DMD: variants seen among roughly 807,000 people sequenced by gnomAD.
DMD encodes the protein dystrophin.
A neutral mutation model predicts 330.1 loss-of-function variants in DMD; 63 were observed. The observed-to-expected ratio is 0.19, with a 90% CI of 0.16 to 0.24. DMD has a LOEUF of 0.24. Among genes scored for constraint, DMD ranks in the 10% least tolerant of loss-of-function variants. The pLI is 1.00. For missense variants in DMD, 3,344 were observed against 2,684.1 expected (o/e 1.25, Z -5.43); for synonymous variants, 1,223 against 959.8 (o/e 1.27, Z -5.07).
intron 9 of DMD, among the ~76,000 whole-genome samples, chrX:32,663,332 T>C (rs16990557): frequency 0.01 from 1,133 of 111,813 alleles, 13 homozygotes; most frequent in African/African-American, 0.035. Context: ...TTAATAAGAA[T>C]GTAAGATATC....
At chrX:31,394,938 T>TGAGAGAGAGAAAGAGAGAGA (rs2060849048) in intron 60 of DMD, among the ~76,000 whole-genome samples, 1 of 86,854 alleles carries the variant, frequency 1.2e-5, no homozygotes, top group Non-Finnish European at 2.2e-5. Flanking sequence ...GAGAGAAGGG[T>TGAGAGAGAGAAAGAGAGAGA]GAGAGAGAGA....
intron 9 of DMD, among the ~76,000 whole-genome samples, chrX:32,672,840 A>AAG (rs1322302818): frequency 1.8e-5 from 2 of 111,244 alleles, no homozygotes; most frequent in African/African-American, 6.5e-5. Flanking sequence ...GAAGAGCCAA[A>AAG]AGAGCCACTG....
chrX:31,151,878 T>C (rs746919893), intron 74 of DMD, among the ~76,000 whole-genome samples: 6 of 112,312 alleles, frequency 5.3e-5, no homozygotes, highest in African/African-American at 1.3e-4. Context: ...CTCTAAATTC[T>C]AGTAAGGTAT....
chrX:32,722,110 C>T (rs762777860), intron 7 of DMD, among the ~76,000 whole-genome samples: 1 of 109,074 alleles, frequency 9.2e-6, no homozygotes, highest in East Asian at 2.9e-4. Flanking sequence ...ACTTTTTTTT[C>T]CTCAAGATTG....
intron 1 of DMD, among the ~76,000 whole-genome samples, chrX:33,171,651 G>T (rs1370585392): frequency 9.0e-6 from 1 of 111,078 alleles, no homozygotes; most frequent in African/African-American, 3.3e-5. Flanking sequence ...TATACTTTTA[G>T]TAAGTCATGC....
intron 1 of DMD, among the ~76,000 whole-genome samples, chrX:33,165,768 G>T (rs1164598036): frequency 9.0e-6 from 1 of 111,550 alleles, no homozygotes; most frequent in African/African-American, 3.3e-5. Context: ...AAGGGGGAAA[G>T]AGATGATTTT....
At chrX:32,820,835 A>G (rs2078178843) in intron 5 of DMD, among the ~76,000 whole-genome samples, 1 of 112,228 alleles carries the variant, frequency 8.9e-6, no homozygotes, top group South Asian at 3.7e-4. Flanking sequence ...TGTATTTAAT[A>G]ATAAAGGAGG....
intron 12 of DMD, among the ~76,000 whole-genome samples, chrX:32,600,524 C>T (rs189752212): frequency 0.052 from 5,271 of 100,448 alleles, 146 homozygotes; most frequent in Middle Eastern, 0.097. Context: ...TTTTTAACTA[C>T]TCCTCCGACT....
At chrX:32,144,074 C>A (rs2096767179) in intron 44 of DMD, among the ~76,000 whole-genome samples, 1 of 111,737 alleles carries the variant, frequency 8.9e-6, no homozygotes, top group South Asian at 3.7e-4. Context: ...TAAGATAAAG[C>A]ATTTGAGGTC....
intron 57 of DMD, among the ~76,000 whole-genome samples, chrX:31,480,453 G>A (rs2068172415): frequency 9.1e-6 from 1 of 110,394 alleles, no homozygotes; most frequent in African/African-American, 3.3e-5. Context: ...TCTGAATAAT[G>A]GGATATTTCT....
chrX:33,060,309 A>C (rs1015290215), intron 1 of DMD, among the ~76,000 whole-genome samples: 3 of 111,300 alleles, frequency 2.7e-5, no homozygotes, highest in African/African-American at 9.8e-5. Context: ...GTGGATGATG[A>C]GGAACATGAT....
intron 60 of DMD, among the ~76,000 whole-genome samples, chrX:31,369,790 T>C (rs975068458): frequency 1.8e-5 from 2 of 111,703 alleles, no homozygotes; most frequent in East Asian, 2.8e-4. Context: ...GCTAGAGCAA[T>C]TGAACATCCA....
chrX:33,102,496 C>T (rs1400966006), intron 1 of DMD, among the ~76,000 whole-genome samples: 1 of 110,711 alleles, frequency 9.0e-6, no homozygotes, highest in Non-Finnish European at 1.9e-5. Flanking sequence ...CAAATATTTT[C>T]TCATCAAATA....
chrX:31,186,075 C>T (rs2041745053), intron 67 of DMD, among the ~76,000 whole-genome samples: 1 of 111,932 alleles, frequency 8.9e-6, no homozygotes, highest in African/African-American at 3.3e-5. Context: ...TTTAGACTGA[C>T]AGGTCATTTG....
intron 60 of DMD, among the ~76,000 whole-genome samples, chrX:31,420,460 GT>G (rs2063308198): frequency 8.9e-6 from 1 of 112,341 alleles, no homozygotes. Context: ...GCCAGGCAAG[GT>G]TTATGTTATT....
chrX:32,626,539 G>T (rs1222573556), intron 11 of DMD, among the ~76,000 whole-genome samples: 1 of 105,201 alleles, frequency 9.5e-6, no homozygotes, highest in East Asian at 2.8e-4. Flanking sequence ...AGATAGATTA[G>T]TTTTGGTTTT....
At chrX:32,181,782 A>G (rs2096927891) in intron 44 of DMD, among the ~76,000 whole-genome samples, 1 of 111,466 alleles carries the variant, frequency 9.0e-6, no homozygotes, top group Non-Finnish European at 1.9e-5. Flanking sequence ...TATATTTTCC[A>G]TGTGAAAACA....
At chrX:32,538,091 T>C (rs767520713) in intron 17 of DMD, among the ~76,000 whole-genome samples, 24 of 112,202 alleles carry the variant, frequency 2.1e-4, no homozygotes, top group Non-Finnish European at 3.6e-4. Context: ...CATTTCATCA[T>C]AAAGCAGTAA....
intron 52 of DMD, among the ~76,000 whole-genome samples, chrX:31,695,450 T>G (rs759038737): frequency 3.6e-5 from 4 of 110,911 alleles, no homozygotes; most frequent in Non-Finnish European, 7.6e-5. Context: ...GCACAAAGGA[T>G]AAATGCTTGA....
Sources: allele counts gnomAD v4.1 joint callset (sites outside exome capture counted in the v4.1 genomes callset), GRCh38; gene constraint gnomAD v4.1.1; transcripts MANE v1.5; gene names NCBI Gene and HGNC (gene_info 2026-07-23, HGNC 2026-07-21).